Variants in DCLK2 observed in about 807,000 individuals in gnomAD.
DCLK2 encodes doublecortin like kinase 2.
A neutral mutation model predicts 78.4 loss-of-function variants in DCLK2; 31 were observed. The ratio of observed to expected loss-of-function variants is 0.40; its 90% CI spans 0.30 to 0.53. DCLK2 has a LOEUF of 0.53. DCLK2 is among the 20% of genes least tolerant of loss of function. The probability of loss-of-function intolerance (pLI) is 0.61; values close to 1 mark genes in which losing one functional copy is unlikely to be tolerated. For synonymous variants in DCLK2, 407 were observed against 374.9 expected, an observed-to-expected ratio of 1.09 and a Z score of -0.99; for missense variants, 872 against 973.7, an observed-to-expected ratio of 0.90 and a Z score of 1.39.
intron 2 of DCLK2, among the ~76,000 whole-genome samples, chr4:150,128,353 A>G (rs772288293): frequency 2.0e-5 from 3 of 152,162 alleles, no homozygotes; most frequent in African/African-American, 7.2e-5. Context: ...TAAGGAGTGT[A>G]GATATGTGTG....
rs1455871968 is a variant in DCLK2, at chr4:150,203,806, C to A, written c.973C>A (p.Pro325Thr). The change falls in exon 5 of 16, where the codon CCC becomes ACC. Residue 325 changes from proline to threonine, a missense_variant. Physicochemically the swap from Pro to Thr is conservative, Grantham distance 38. This residue lies in a region of DCLK2 where 567 missense variants were observed against 593.4 expected (regional missense o/e 0.96). Transcript: ENST00000296550. The part of the protein sequence containing the change: ...SKSPASVNGT[P>T]SSQLSTPKST... ...TGTCTCATGGGCAGTTAATGGAACT[C>A]CCAGCAGCCAACTTTCTACTCCTAA... 2 of 1,613,574 alleles carry A rather than the reference C, an allele frequency of 1.2e-6. No individual in the cohort carries two copies. Among genetic ancestry groups the A allele is most frequent in the African/African-American group, 2.7e-5 (2 of 74,868 alleles).
At position 150,249,676 on chromosome 4, in the gene DCLK2, G is replaced by A. The variant is rs982013037; in HGVS notation, c.2065G>A (p.Val689Ile). The A allele has an allele frequency of 5.0e-6, 8 of 1,613,080 alleles. No individual in the cohort carries two copies. The highest frequency in any genetic ancestry group is 2.7e-5 in the African/African-American group (2 of 74,932). ...KQNSTTTGVS[V>I]IMNTALDKEG... ...GAACAGCACTACCACCGGGGTCTCC[G>A]TCATCATGGTGAGTGGAAGGCGGCA... Residue 689 changes from valine (V) to isoleucine (I), a missense_variant, in exon 15 of 16, where the codon GTC becomes ATC. Transcript: ENST00000296550.
At chr4:150,094,604 T>G (rs1053680110) in intron 1 of DCLK2, among the ~76,000 whole-genome samples, 1 of 152,224 alleles carries the variant, frequency 6.6e-6, no homozygotes, top group African/African-American at 2.4e-5. Flanking sequence ...TTCAGGAGCC[T>G]GACCCTGAGC....
At chr4:150,088,186 G>C (rs1259245409) in intron 1 of DCLK2, among the ~76,000 whole-genome samples, 3 of 152,114 alleles carry the variant, frequency 2.0e-5, no homozygotes, top group Non-Finnish European at 4.4e-5. Context: ...AAGAAAAAAG[G>C]CGTTCTAGAA....
At chr4:150,187,832 G>C (rs1738070860) in intron 2 of DCLK2, among the ~76,000 whole-genome samples, 1 of 131,882 alleles carries the variant, frequency 7.6e-6, no homozygotes, top group Non-Finnish European at 1.6e-5. Flanking sequence ...ACAGAGTCTT[G>C]CTCTGTCGCT....
intron 2 of DCLK2, among the ~76,000 whole-genome samples, chr4:150,154,287 C>T (rs1735104426): frequency 6.6e-6 from 1 of 152,192 alleles, no homozygotes; most frequent in Non-Finnish European, 1.5e-5. Context: ...CTCCACTAGA[C>T]TGTGAGCTCC....
chr4:150,230,243 G>A (rs992170511), intron 8 of DCLK2, among the ~76,000 whole-genome samples: 1 of 152,160 alleles, frequency 6.6e-6, no homozygotes, highest in African/African-American at 2.4e-5. Context: ...GTTCCACAAT[G>A]TATCCCAGAA....
intron 2 of DCLK2, among the ~76,000 whole-genome samples, chr4:150,186,128 T>C (rs1344858637): frequency 1.3e-5 from 2 of 152,186 alleles, no homozygotes; most frequent in African/African-American, 4.8e-5. Context: ...TTCTTTGCAT[T>C]GTAGAAAGAA....
intron 8 of DCLK2, among the ~76,000 whole-genome samples, chr4:150,226,828 T>G (rs1316057468): frequency 7.0e-6 from 1 of 143,588 alleles, no homozygotes; most frequent in African/African-American, 2.5e-5. Flanking sequence ...TACAAATAAG[T>G]TGATTTTTCC....
chr4:150,173,540 CCCTCTT>C (rs1736710031), intron 2 of DCLK2, among the ~76,000 whole-genome samples: 15 of 152,128 alleles, frequency 9.9e-5, no homozygotes, highest in Admixed American at 9.8e-4. Context: ...AAGAAATGTG[CCCTCTT>C]CACCTCCTTT....
Position 150,249,622 on chromosome 4 carries a change from C to T in DCLK2, c.2011C>T (p.Gln671Ter). 1 of 1,613,796 alleles carries T rather than the reference C, an allele frequency of 6.2e-7. No homozygotes were observed. Among genetic ancestry groups the T allele is most frequent in the Non-Finnish European group, 8.5e-7 (1 of 1,179,982 alleles). ...MQAEVTGKLK[Q>*]HFNNALPKQN... is the part of the protein sequence containing the mutation. ...AGCTGAGGTGACAGGTAAACTAAAACAGCACTTTAATAATGCGCTCCCCAA... is the reference window on the plus strand; with the variant it reads ...AGCTGAGGTGACAGGTAAACTAAAATAGCACTTTAATAATGCGCTCCCCAA... The change falls in exon 15 of 16, where the codon CAG becomes TAG. Residue 671 changes from glutamine (Q) to a stop codon, truncating the protein, a stop_gained. Transcript: ENST00000296550. LOFTEE classifies it high-confidence loss of function.
At chr4:150,157,095 T>G (rs1735336516) in intron 2 of DCLK2, among the ~76,000 whole-genome samples, 1 of 151,646 alleles carries the variant, frequency 6.6e-6, no homozygotes, top group Admixed American at 6.6e-5. Flanking sequence ...CTAGTGTGTA[T>G]GTATCAGTCC....
At chr4:150,086,541 C>T (rs1368664932) in intron 1 of DCLK2, among the ~76,000 whole-genome samples, 1 of 138,692 alleles carries the variant, frequency 7.2e-6, no homozygotes, top group Non-Finnish European at 1.5e-5. Flanking sequence ...GAGTCTCACT[C>T]TGTCTGCCAG....
chr4:150,201,545 G>A (rs1186350497), intron 4 of DCLK2, among the ~76,000 whole-genome samples: 2 of 152,188 alleles, frequency 1.3e-5, no homozygotes, highest in Non-Finnish European at 2.9e-5. Flanking sequence ...CAGACTTGTA[G>A]TTATTGATAC....
intron 2 of DCLK2, among the ~76,000 whole-genome samples, chr4:150,136,010 T>G (rs1733660716): frequency 1.3e-5 from 2 of 152,144 alleles, no homozygotes; most frequent in African/African-American, 4.8e-5. Context: ...TAGAGAATTG[T>G]GTTGATCAAG....
At chr4:150,205,996 C>T (rs1739814495) in intron 5 of DCLK2, among the ~76,000 whole-genome samples, 1 of 152,088 alleles carries the variant, frequency 6.6e-6, no homozygotes, top group Admixed American at 6.5e-5. Context: ...TTTTTGTTAC[C>T]CATTGGTAAT....
chr4:150,096,808 T>G (rs1219308739), intron 1 of DCLK2, among the ~76,000 whole-genome samples: 1 of 152,152 alleles, frequency 6.6e-6, no homozygotes. Context: ...GATGCTCCAG[T>G]GGCTTAAAAG....
At chr4:150,220,867 A>T (rs775524189) in intron 6 of DCLK2, 89 bp downstream of exon 6, 114 of 1,072,338 alleles carry the variant, frequency 1.1e-4, no homozygotes, top group Non-Finnish European at 1.4e-4. Context: ...CTAAATTACG[A>T]TCTTCCTAAA....
intron 1 of DCLK2, among the ~76,000 whole-genome samples, chr4:150,097,305 G>T (rs1730538448): frequency 6.6e-6 from 1 of 151,914 alleles, no homozygotes; most frequent in African/African-American, 2.4e-5. Flanking sequence ...GGGATTACAG[G>T]CATGCACCAC....
Sources: gnomAD v4.1 joint callset for allele counts (sites outside exome capture counted in the v4.1 genomes callset) on GRCh38, gnomAD v4.1.1 for gene constraint, gnomAD v4.1.1 regional missense constraint, MANE v1.5 for transcripts, NCBI Gene and HGNC (gene_info 2026-07-23, HGNC 2026-07-21) for gene names.